Variants in EDIL3 observed in about 807,000 individuals in gnomAD.
EDIL3 encodes the protein EGF like and discoidin domains 3.
In EDIL3, 37 loss-of-function variants were observed where a neutral mutation model predicts 67.4. That is an observed-to-expected ratio of 0.55 (90% confidence interval 0.42 to 0.72). The LOEUF is 0.72. Among genes scored for constraint, EDIL3 ranks in the 30% least tolerant of loss-of-function variants. The pLI is 0.00. For synonymous variants in EDIL3, 195 were observed against 196.3 expected, an observed-to-expected ratio of 0.99 and a Z score of 0.05; for missense variants, 527 against 586.3, an observed-to-expected ratio of 0.90 and a Z score of 1.04.
chr5:84,133,617 A>T (rs2112312372), intron 5 of EDIL3, among the ~76,000 whole-genome samples: 1 of 152,102 alleles, frequency 6.6e-6, no homozygotes, highest in East Asian at 1.9e-4. Context: ...ACAGAGTGAG[A>T]CTCCATCTCA....
intron 6 of EDIL3, among the ~76,000 whole-genome samples, chr5:84,104,554 C>G (rs1747424511): frequency 6.6e-6 from 1 of 151,918 alleles, no homozygotes; most frequent in Non-Finnish European, 1.5e-5. Flanking sequence ...GGTTCTCACT[C>G]TAATATAAAA....
intron 3 of EDIL3, among the ~76,000 whole-genome samples, chr5:84,208,407 C>T (rs1214999759): frequency 3.3e-5 from 5 of 152,040 alleles, no homozygotes; most frequent in South Asian, 2.1e-4. Context: ...AGGCCAGGCG[C>T]GGTGGCTCAC....
At chr5:84,120,552 A>G (rs771431355) in intron 5 of EDIL3, among the ~76,000 whole-genome samples, 1 of 152,034 alleles carries the variant, frequency 6.6e-6, no homozygotes, top group African/African-American at 2.4e-5. Context: ...TCATCTAAAA[A>G]GAGCAATTTT....
At chr5:83,997,573 T>A (rs925343870) in intron 9 of EDIL3, among the ~76,000 whole-genome samples, 2 of 152,156 alleles carry the variant, frequency 1.3e-5, no homozygotes, top group African/African-American at 4.8e-5. Flanking sequence ...GTTTGAAATA[T>A]CTGTAGAATG....
chr5:84,229,890 A>C lies in EDIL3; in HGVS notation c.197-6T>G. On this transcript the variant is annotated splice_polypyrimidine_tract_variant and splice_region_variant and intron_variant, in intron 2 of 10. Transcript: ENST00000296591. ...TGGTTCTTCTTCATCTGATGCTATG[A>C]TAAGAGGAAAAGGTGAAATGGGGGT... is the stretch of plus-strand genomic sequence containing the variant. 2 of 1,597,880 alleles carry C rather than the reference A, an allele frequency of 1.3e-6. No homozygotes were observed. The highest frequency in any genetic ancestry group is 1.7e-6 in the Non-Finnish European group (2 of 1,170,176).
chr5:84,186,792 C>A (rs557204886), intron 3 of EDIL3, among the ~76,000 whole-genome samples: 3 of 151,916 alleles, frequency 2.0e-5, no homozygotes, highest in Non-Finnish European at 4.4e-5. Context: ...AATAGCAGAT[C>A]AAAGTTTGAG....
intron 4 of EDIL3, among the ~76,000 whole-genome samples, chr5:84,168,911 A>G (rs543434778): frequency 1.3e-5 from 2 of 152,270 alleles, no homozygotes; most frequent in Non-Finnish European, 1.5e-5. Flanking sequence ...CAACTACAAT[A>G]AAACTAAAAG....
intron 4 of EDIL3, among the ~76,000 whole-genome samples, chr5:84,172,733 A>G (rs981258974): frequency 6.6e-5 from 10 of 152,218 alleles, no homozygotes; most frequent in Non-Finnish European, 2.9e-5. Flanking sequence ...TATTTGGTAG[A>G]TACACCTGAT....
chr5:83,968,457 A>G (rs1189643542), intron 9 of EDIL3, among the ~76,000 whole-genome samples: 1 of 152,102 alleles, frequency 6.6e-6, no homozygotes, highest in Non-Finnish European at 1.5e-5. Context: ...CCAAAAACTC[A>G]TACCATGAAA....
intron 1 of EDIL3, among the ~76,000 whole-genome samples, chr5:84,300,066 C>T (rs191731733): frequency 4.9e-4 from 74 of 152,298 alleles, no homozygotes; most frequent in Middle Eastern, 6.8e-3. Context: ...TATTTTACTA[C>T]AGTTCTATAG....
chr5:84,371,932 C>T (rs1747864033), intron 1 of EDIL3, among the ~76,000 whole-genome samples: 1 of 152,216 alleles, frequency 6.6e-6, no homozygotes, highest in Non-Finnish European at 1.5e-5. Context: ...TTCAGTCCCA[C>T]CACGATCTAT....
intron 3 of EDIL3, among the ~76,000 whole-genome samples, chr5:84,190,551 ATG>A (rs1228798257): frequency 4.7e-5 from 6 of 126,984 alleles, no homozygotes; most frequent in African/African-American, 9.0e-5. Flanking sequence ...ATATATATAT[ATG>A]TGTGTGTGTG....
intron 2 of EDIL3, among the ~76,000 whole-genome samples, chr5:84,232,266 A>C (rs908765905): frequency 6.6e-6 from 1 of 152,220 alleles, no homozygotes; most frequent in Admixed American, 6.5e-5. Context: ...AAATTGATAC[A>C]GAGGCTGAGG....
In EDIL3 at chr5:84,138,395, T is replaced by C. The variant is rs188813861; in HGVS notation, c.356-1041A>G. Among the ~76,000 whole-genome samples, 106 of 152,294 alleles carry C rather than the reference T, an allele frequency of 7.0e-4. No homozygotes were observed. In the East Asian group the frequency reaches 0.013, roughly 19 times the overall value. ...GCCCTGTTCCTTGTATTCCTGAAAA[T>C]GCCACACTCCATCTGGAAAACTACT... On this transcript the variant is annotated intron_variant, in intron 4 of 10. Transcript: ENST00000296591.
chr5:84,108,761 T>G (rs1288187515), intron 5 of EDIL3, among the ~76,000 whole-genome samples: 1 of 152,170 alleles, frequency 6.6e-6, no homozygotes, highest in Non-Finnish European at 1.5e-5. Flanking sequence ...TGTCCTTAGT[T>G]TGTACAATGT....
At chr5:83,980,964 C>T (rs1031416679) in intron 9 of EDIL3, among the ~76,000 whole-genome samples, 1 of 151,894 alleles carries the variant, frequency 6.6e-6, no homozygotes, top group Non-Finnish European at 1.5e-5. Flanking sequence ...ACAGTAAAAA[C>T]TACAAAACAT....
intron 2 of EDIL3, among the ~76,000 whole-genome samples, chr5:84,241,114 T>C (rs1193564350): frequency 6.6e-6 from 1 of 152,216 alleles, no homozygotes; most frequent in Non-Finnish European, 1.5e-5. Context: ...TCCCCTCTTA[T>C]GATAATTATT....
chr5:84,112,232 T>G (rs527978819), intron 5 of EDIL3, among the ~76,000 whole-genome samples: 4 of 152,172 alleles, frequency 2.6e-5, no homozygotes, highest in Non-Finnish European at 5.9e-5. Flanking sequence ...AAGAGTAGAT[T>G]TAAGACGGGA....
chr5:84,171,728 C>G (rs958198601), intron 4 of EDIL3, among the ~76,000 whole-genome samples: 3 of 152,156 alleles, frequency 2.0e-5, no homozygotes, highest in Non-Finnish European at 4.4e-5. Flanking sequence ...GGCATTATAA[C>G]CCTTCACATA....
Sources: gnomAD v4.1 joint callset for allele counts (sites outside exome capture counted in the v4.1 genomes callset) on GRCh38, gnomAD v4.1.1 for gene constraint, MANE v1.5 for transcripts, NCBI Gene and HGNC (gene_info 2026-07-23, HGNC 2026-07-21) for gene names.